C12orf60: variants seen among roughly 807,000 people sequenced by gnomAD.
The protein encoded by C12orf60 is uncharacterized protein C12orf60.
For missense variants in C12orf60, 284 were observed against 283.2 expected (o/e 1.00, Z -0.02); for synonymous variants, 102 against 94.6 (o/e 1.08, Z -0.45).
chr12:14,806,048 A>G (rs1950042973), intron 1 of C12orf60: 2 of 1,613,914 alleles, frequency 1.2e-6, no homozygotes, highest in Non-Finnish European at 1.7e-6. Flanking sequence ...CAGTAATGGC[A>G]TGATTATATT....
At position 14,823,264 on chromosome 12, in the gene C12orf60, C is replaced by T. The variant is rs1354676186; in HGVS notation, c.329C>T (p.Ser110Leu). ...ACCAATGTAGAGGAGTTGCATCAGT[C>T]AGCTAAAGAAGTATTCAAAAGTGCC... ...KSTNVEELHQ[S>L]AKEVFKSAHT... Residue 110 changes from serine (S) to leucine (L), a missense_variant, in exon 2 of 2, where the codon TCA (serine) becomes TTA (leucine). By Grantham distance (145) the Ser-to-Leu change is moderately radical. Transcript: ENST00000330828. 6.2e-7 allele frequency: 1 copy of T among 1,613,962 alleles called. No individual in the cohort carries two copies. Among genetic ancestry groups the T allele is most frequent in the African/African-American group, 1.3e-5 (1 of 74,908 alleles).
Position 14,823,393 on chromosome 12 carries a change from T to G in C12orf60, c.458T>G (p.Leu153Ter). The G allele has an allele frequency of 6.2e-7, 1 of 1,614,062 alleles. No homozygotes were observed. Among genetic ancestry groups the G allele is most frequent in the South Asian group, 1.1e-5 (1 of 91,080 alleles). Residue 153 changes from leucine (L) to a stop codon, truncating the protein, a stop_gained, in exon 2 of 2, where the codon TTA (leucine) becomes TGA (stop). Coordinates refer to ENST00000330828, the MANE Select transcript of C12orf60 (RefSeq NM_175874.4). LOFTEE classifies it low-confidence loss of function (END_TRUNC). The part of the protein sequence containing the change: ...LMKFPIMNLQ[L>*]SDFYTEDTKE... ...AAATTCCCCATCATGAATCTTCAAT[T>G]AAGTGACTTCTATACAGAAGACACC...
intron 1 of C12orf60, among the ~76,000 whole-genome samples, chr12:14,809,361 A>T (rs1162455757): frequency 1.3e-5 from 2 of 151,904 alleles, no homozygotes; most frequent in Admixed American, 6.6e-5. Flanking sequence ...GGTGAGCCTT[A>T]TTTTTTTTCA....
intron 1 of C12orf60, chr12:14,805,702 C>T (rs1565677862): frequency 1.4e-5 from 4 of 279,920 alleles, no homozygotes; most frequent in Non-Finnish European, 2.6e-5. Flanking sequence ...GAAAAGTAAC[C>T]CCTATACTTG....
intron 1 of C12orf60, among the ~76,000 whole-genome samples, chr12:14,821,451 C>A (rs1367628245): frequency 2.6e-5 from 4 of 152,100 alleles, no homozygotes; most frequent in Non-Finnish European, 1.5e-5. Flanking sequence ...GGGGCCACAT[C>A]ACCTCCATTT....
At chr12:14,806,678 C>T in intron 1 of C12orf60, 1 of 1,577,076 alleles carries the variant, frequency 6.3e-7, no homozygotes, top group Non-Finnish European at 8.6e-7. Context: ...CACTTTGGGC[C>T]ATATTTCCAA....
intron 1 of C12orf60, among the ~76,000 whole-genome samples, chr12:14,820,475 C>G (rs1380613590): frequency 1.3e-5 from 2 of 151,934 alleles, no homozygotes; most frequent in South Asian, 4.1e-4. Context: ...AACACTTAAT[C>G]TACAGATTTC....
intron 1 of C12orf60, chr12:14,805,889 T>C: frequency 9.2e-7 from 1 of 1,087,792 alleles, no homozygotes. Context: ...CCAAATTGTT[T>C]ATCTTATTTA....
At chr12:14,817,662 A>C (rs940032221) in intron 1 of C12orf60, among the ~76,000 whole-genome samples, 20 of 152,194 alleles carry the variant, frequency 1.3e-4, no homozygotes, top group Admixed American at 1.0e-3. Context: ...ACATGATCTC[A>C]TTCCTTTTTA....
intron 1 of C12orf60, among the ~76,000 whole-genome samples, chr12:14,818,976 A>C (rs1171878533): frequency 6.6e-6 from 1 of 151,982 alleles, no homozygotes; most frequent in African/African-American, 2.4e-5. Context: ...GTTCCTTTAC[A>C]TTTACATATA....
At chr12:14,806,460 A>T (rs770276935) in intron 1 of C12orf60, 3 of 1,614,042 alleles carry the variant, frequency 1.9e-6, no homozygotes, top group Non-Finnish European at 2.5e-6. Context: ...TTGGATTTTC[A>T]TAATGGCTTG....
Position 14,823,510 on chromosome 12 carries a change from A to G in C12orf60, c.575A>G (p.Gln192Arg), listed in dbSNP as rs1003258582. Residue 192 changes from glutamine (Q) to arginine (R), a missense_variant, in exon 2 of 2, where the codon CAG becomes CGG. Gln to Arg is a conservative substitution (Grantham distance 43). Transcript: ENST00000330828. Reference sequence around the variant, plus strand: ...ATGATAGACACCTTGAAAAAACTGCAGGATGTACTAAAAACTGAGGATTCC... The same window carrying G: ...ATGATAGACACCTTGAAAAAACTGCGGGATGTACTAAAAACTGAGGATTCC... ...TTMIDTLKKL[Q>R]DVLKTEDSKN... The G allele has an allele frequency of 6.2e-6, 10 of 1,613,224 alleles. No individual in the cohort carries two copies. Among genetic ancestry groups the G allele is most frequent in the Non-Finnish European group, 8.5e-6 (10 of 1,179,824 alleles).
At chr12:14,807,600 C>A (rs1950073102) in intron 1 of C12orf60, among the ~76,000 whole-genome samples, 1 of 152,090 alleles carries the variant, frequency 6.6e-6, no homozygotes. Context: ...AAAGGATATC[C>A]AAAGGCAACA....
chr12:14,809,114 T>A (rs553214123), intron 1 of C12orf60, among the ~76,000 whole-genome samples: 41 of 152,222 alleles, frequency 2.7e-4, no homozygotes, highest in Non-Finnish European at 5.3e-4. Flanking sequence ...AGAGGAGTTT[T>A]CTTATCCTGA....
chr12:14,804,346 A>G (rs1950014957), intron 1 of C12orf60, among the ~76,000 whole-genome samples: 1 of 152,206 alleles, frequency 6.6e-6, no homozygotes, highest in South Asian at 2.1e-4. Context: ...CATTTAAAAA[A>G]CTATCTTAGA....
Position 14,823,663 on chromosome 12 carries a change from G to A in C12orf60, c.728G>A (p.Ser243Asn). Residue 243 changes from serine to asparagine, a missense_variant, in exon 2 of 2, where the codon AGT becomes AAT. Coordinates refer to ENST00000330828, the MANE Select transcript of C12orf60 (RefSeq NM_175874.4). ...AATATTTCTGTGTTTAAGAAAGCCAGTGACAAGTAGGGATGCAACAGAAAT... is the reference window on the plus strand; with the variant it reads ...AATATTTCTGTGTTTAAGAAAGCCAATGACAAGTAGGGATGCAACAGAAAT... The part of the protein sequence containing the change: ...EMNISVFKKA[S>N]DK 6.4e-7 allele frequency: 1 copy of A among 1,559,062 alleles called. No homozygotes were observed. The highest frequency in any genetic ancestry group is 8.6e-7 in the Non-Finnish European group (1 of 1,156,100).
chr12:14,806,665 A>C, intron 1 of C12orf60: 1 of 1,595,036 alleles, frequency 6.3e-7, no homozygotes, highest in South Asian at 1.1e-5. Flanking sequence ...GGGTAAAGGA[A>C]GTCACTTTGG....
Position 14,822,930 on chromosome 12 carries a change from G to T in C12orf60, c.-6G>T. The T allele has an allele frequency of 6.4e-7, 1 of 1,554,744 alleles. No individual in the cohort carries two copies. The highest frequency in any genetic ancestry group is 1.2e-5 in the South Asian group (1 of 81,778). On this transcript the variant is annotated 5_prime_UTR_variant, in exon 2 of 2. Transcript: ENST00000330828. ...TTTGCAGTGTTGGAACTTATTTGTT[G>T]GAGAAATGTCTTCAGAGTCAGAAAA... is the stretch of plus-strand genomic sequence containing the variant.
At chr12:14,808,018 T>C (rs1950079928) in intron 1 of C12orf60, among the ~76,000 whole-genome samples, 1 of 151,966 alleles carries the variant, frequency 6.6e-6, no homozygotes, top group Non-Finnish European at 1.5e-5. Context: ...ATACAAAAAT[T>C]AGTTGGGTGT....
Sources: gnomAD v4.1 joint callset for allele counts (sites outside exome capture counted in the v4.1 genomes callset) on GRCh38, gnomAD v4.1.1 for gene constraint, MANE v1.5 for transcripts, NCBI Gene and HGNC (gene_info 2026-07-23, HGNC 2026-07-21) for gene names.